Variants in SLC35F3 observed in about 807,000 individuals in gnomAD.
SLC35F3 encodes the protein putative thiamine transporter SLC35F3.
A neutral mutation model predicts 49.9 loss-of-function variants in SLC35F3; 25 were observed. The observed-to-expected ratio is 0.50, with a 90% CI of 0.37 to 0.70. The LOEUF is 0.70. Among genes scored for constraint, SLC35F3 ranks in the 30% least tolerant of loss-of-function variants. The pLI, the probability that SLC35F3 is intolerant of heterozygous loss-of-function variation, is 0.00. For missense variants in SLC35F3, 525 were observed against 639.8 expected, an observed-to-expected ratio of 0.82 and a Z score of 1.94; for synonymous variants, 275 against 265.4, an observed-to-expected ratio of 1.04 and a Z score of -0.35.
chr1:234,082,780 A>G (rs1210007088), intron 2 of SLC35F3, among the ~76,000 whole-genome samples: 2 of 152,184 alleles, frequency 1.3e-5, no homozygotes, highest in African/African-American at 2.4e-5. Context: ...TTATAAAAAC[A>G]TCAGATCTCA....
At chr1:233,990,538 T>C (rs1337452641) in intron 2 of SLC35F3, among the ~76,000 whole-genome samples, 4 of 152,336 alleles carry the variant, frequency 2.6e-5, no homozygotes, top group Middle Eastern at 6.8e-3. Context: ...AGAGACCTAA[T>C]GTACAGCATG....
intron 2 of SLC35F3, among the ~76,000 whole-genome samples, chr1:233,912,376 G>T (rs1383877565): frequency 6.6e-6 from 1 of 152,142 alleles, no homozygotes; most frequent in Non-Finnish European, 1.5e-5. Flanking sequence ...TTCTCGGGAG[G>T]CTGAGGCAGA....
intron 2 of SLC35F3, among the ~76,000 whole-genome samples, chr1:233,924,575 A>G (rs1432632944): frequency 3.3e-5 from 4 of 120,582 alleles, no homozygotes; most frequent in East Asian, 5.2e-4. Context: ...GATCTTTTCA[A>G]AAAACCAGCT....
chr1:234,306,579 C>T (rs1657192786), intron 3 of SLC35F3: 1 of 152,348 alleles, frequency 6.6e-6, no homozygotes, highest in Non-Finnish European at 1.5e-5. Context: ...TTGTCTTGGT[C>T]TCATTAGAAC....
intron 2 of SLC35F3, among the ~76,000 whole-genome samples, chr1:233,979,592 G>T (rs902697343): frequency 6.6e-6 from 1 of 152,142 alleles, no homozygotes; most frequent in African/African-American, 2.4e-5. Flanking sequence ...TCATTGGATA[G>T]GTTAGGTCAA....
intron 2 of SLC35F3, among the ~76,000 whole-genome samples, chr1:233,929,238 G>A (rs778894270): frequency 2.0e-5 from 3 of 152,250 alleles, no homozygotes; most frequent in South Asian, 2.1e-4. Flanking sequence ...TGCCAATTCC[G>A]TTGGTGTCAT....
intron 2 of SLC35F3, among the ~76,000 whole-genome samples, chr1:234,009,157 G>T (rs1663676207): frequency 6.6e-6 from 1 of 152,118 alleles, no homozygotes; most frequent in Non-Finnish European, 1.5e-5. Flanking sequence ...GCAGACCAGA[G>T]CTATTCAATT....
chr1:234,235,591 G>A (rs113216245), intron 3 of SLC35F3, among the ~76,000 whole-genome samples: 4 of 152,224 alleles, frequency 2.6e-5, no homozygotes, highest in African/African-American at 9.6e-5. Flanking sequence ...TTGTCCAAAG[G>A]TCTTCCAGGA....
intron 2 of SLC35F3, among the ~76,000 whole-genome samples, chr1:234,076,007 A>T (rs1412938216): frequency 6.6e-6 from 1 of 151,486 alleles, no homozygotes; most frequent in Non-Finnish European, 1.5e-5. Context: ...CAGACCGCAG[A>T]CTGTTTTCTG....
intron 2 of SLC35F3, among the ~76,000 whole-genome samples, chr1:234,072,592 A>C (rs1664733367): frequency 6.6e-6 from 1 of 152,202 alleles, no homozygotes; most frequent in African/African-American, 2.4e-5. Flanking sequence ...TGACCGGGGA[A>C]GTATCTCTGA....
intron 2 of SLC35F3, among the ~76,000 whole-genome samples, chr1:234,211,709 A>C (rs947083160): frequency 1.1e-4 from 16 of 152,186 alleles, no homozygotes; most frequent in African/African-American, 3.6e-4. Flanking sequence ...CTTGCTTTTG[A>C]TTTTACAGGC....
At chr1:234,037,422 A>C (rs1328556651) in intron 2 of SLC35F3, among the ~76,000 whole-genome samples, 1 of 152,210 alleles carries the variant, frequency 6.6e-6, no homozygotes, top group Non-Finnish European at 1.5e-5. Context: ...CCCCACTTCC[A>C]ACATTGGTAT....
At chr1:234,168,494 C>T (rs751679262) in intron 2 of SLC35F3, among the ~76,000 whole-genome samples, 87 of 152,370 alleles carry the variant, frequency 5.7e-4, no homozygotes, top group Non-Finnish European at 1.1e-3. Context: ...CATTGCTATT[C>T]TGGCCATCAT....
At chr1:234,253,135 G>A (rs537665718) in intron 3 of SLC35F3, among the ~76,000 whole-genome samples, 1 of 152,202 alleles carries the variant, frequency 6.6e-6, no homozygotes, top group African/African-American at 2.4e-5. Flanking sequence ...AGACCAGCCT[G>A]GCCAATATGA....
At chr1:234,322,370 G>GCA (rs1196154526) in intron 7 of SLC35F3, among the ~76,000 whole-genome samples, 2 of 152,174 alleles carry the variant, frequency 1.3e-5, no homozygotes, top group Non-Finnish European at 2.9e-5. Context: ...TATGTTGTAT[G>GCA]TGTTATTTGT....
intron 2 of SLC35F3, among the ~76,000 whole-genome samples, chr1:234,198,551 A>G (rs1000174969): frequency 2.6e-5 from 4 of 152,060 alleles, no homozygotes; most frequent in Non-Finnish European, 5.9e-5. Context: ...AACAGTTGCT[A>G]TTGTCTGCTT....
At chr1:234,011,200 A>T (rs936661065) in intron 2 of SLC35F3, among the ~76,000 whole-genome samples, 2 of 152,204 alleles carry the variant, frequency 1.3e-5, no homozygotes, top group Non-Finnish European at 2.9e-5. Flanking sequence ...ATTTTTTGTG[A>T]ATCAGTGTAG....
chr1:234,266,838 C>T (rs1315695390), intron 3 of SLC35F3, among the ~76,000 whole-genome samples: 4 of 150,152 alleles, frequency 2.7e-5, no homozygotes, highest in Admixed American at 2.6e-4. Context: ...TATATGCAAT[C>T]CATCATTGAC....
intron 2 of SLC35F3, among the ~76,000 whole-genome samples, chr1:234,150,803 A>G (rs1217259889): frequency 6.6e-6 from 1 of 152,250 alleles, no homozygotes; most frequent in African/African-American, 2.4e-5. Flanking sequence ...ACCCCAGAAT[A>G]CAGACCACCA....
Sources: allele counts gnomAD v4.1 joint callset (sites outside exome capture counted in the v4.1 genomes callset), GRCh38; gene constraint gnomAD v4.1.1; transcripts MANE v1.5; gene names NCBI Gene and HGNC (gene_info 2026-07-23, HGNC 2026-07-21).